CCDC57: variants seen among roughly 807,000 people sequenced by gnomAD.
The protein encoded by CCDC57 is coiled-coil domain containing 57, also known as coiled-coil domain-containing protein 57.
Under a neutral mutation model 118.9 loss-of-function variants are expected in CCDC57, and 118 were observed. That is an observed-to-expected ratio of 0.99 (90% confidence interval 0.86 to 1.16). The LOEUF is 1.16. Among genes scored for constraint, CCDC57 ranks in the 50% most tolerant of loss-of-function variants. The pLI, the probability that CCDC57 is intolerant of heterozygous loss-of-function variation, is 0.00. For synonymous variants in CCDC57, 527 were observed against 532.9 expected (o/e 0.99, Z 0.15); for missense variants, 1,300 against 1,320.7 (o/e 0.98, Z 0.24).
intron 13 of CCDC57, among the ~76,000 whole-genome samples, chr17:82,171,051 C>T (rs2044648933): frequency 6.6e-6 from 1 of 152,106 alleles, no homozygotes; most frequent in African/African-American, 2.4e-5. Flanking sequence ...GGAGCGCTGA[C>T]TGCAGTGAGC....
chr17:82,152,725 G>A (rs546635703), intron 15 of CCDC57, among the ~76,000 whole-genome samples: 1 of 152,326 alleles, frequency 6.6e-6, no homozygotes, highest in South Asian at 2.1e-4. Context: ...CATGAGCTCC[G>A]AGTTCCTGGA....
At chr17:82,113,280 G>C (rs887780259) in intron 19 of CCDC57, 6 of 652,282 alleles carry the variant, frequency 9.2e-6, no homozygotes, top group Non-Finnish European at 1.7e-5. Flanking sequence ...TTCTTGGCCA[G>C]AGCACTGGTT....
At chr17:82,126,778 A>T (rs1349283892) in intron 19 of CCDC57, 3 of 985,350 alleles carry the variant, frequency 3.0e-6, no homozygotes, top group Non-Finnish European at 3.6e-6. Flanking sequence ...CTGTAAGGTT[A>T]CTATTCTAAC....
chr17:82,132,904 C>T (rs1479945551), intron 17 of CCDC57, among the ~76,000 whole-genome samples: 3 of 151,802 alleles, frequency 2.0e-5, no homozygotes, highest in African/African-American at 7.3e-5. Flanking sequence ...GGATTACAGG[C>T]GAGTGCCACC....
Position 82,172,950 on chromosome 17 carries a change from T to C in CCDC57, c.1507-90A>G. 2 of 1,193,848 alleles carry C rather than the reference T, an allele frequency of 1.7e-6. No homozygotes were observed. The highest frequency in any genetic ancestry group is 2.4e-6 in the Non-Finnish European group (2 of 831,216). The allele number at this position is 1,193,848 out of a possible 1,614,324, so 74.0% of individuals were successfully genotyped here. ...TGTGCCTCCGCTCTCCCCGCGCCCCTCTCGGGCCGGTCCCCCGCTTCAGCT... is the reference window on the plus strand; with the variant it reads ...TGTGCCTCCGCTCTCCCCGCGCCCCCCTCGGGCCGGTCCCCCGCTTCAGCT... On this transcript the variant is annotated intron_variant, in intron 11 of 19. Coordinates refer to ENST00000665763, the Ensembl canonical transcript of CCDC57. This position sits in a 1 kb window ranked among gnomAD's most constrained non-coding sequence, Gnocchi z 5.2.
chr17:82,151,658 A>C, exon 16 of CCDC57: 1 of 1,550,354 alleles, frequency 6.5e-7, no homozygotes, highest in East Asian at 2.4e-5. Context: ...TGCCTCCTTC[A>C]GCTTTCTCTG....
At chr17:82,122,990 C>G (rs1461030581) in intron 19 of CCDC57, among the ~76,000 whole-genome samples, 1 of 152,196 alleles carries the variant, frequency 6.6e-6, no homozygotes, top group Non-Finnish European at 1.5e-5. Context: ...TACTACCCCC[C>G]TGAGACCACA....
chr17:82,121,044 C>T lies in CCDC57; in HGVS notation c.2899+6648G>A, dbSNP rs554618804. 2.4e-4 allele frequency among the ~76,000 whole-genome samples: 37 copies of T among 152,256 alleles called. No individual in the cohort carries two copies. In the Middle Eastern group the frequency reaches 0.01, roughly 42 times the overall value. On this transcript the variant is annotated intron_variant, in intron 19 of 19. Coordinates refer to ENST00000665763, the Ensembl canonical transcript of CCDC57. ...TGCTGGGATTACAGGGGTGAGCTAC[C>T]GCGCCCGGCCTCTTGCTTGCTTTTT... is the stretch of plus-strand genomic sequence containing the variant.
chr17:82,196,455 C>T (rs948623904), intron 4 of CCDC57, among the ~76,000 whole-genome samples: 6 of 152,204 alleles, frequency 3.9e-5, no homozygotes, highest in South Asian at 2.1e-4. Context: ...TCAGCACTTC[C>T]GGGGACAACT....
chr17:82,128,496 C>A, exon 18 of CCDC57: 1 of 1,554,946 alleles, frequency 6.4e-7, no homozygotes, highest in South Asian at 1.2e-5. Flanking sequence ...CTCTCACCTT[C>A]GGGCCTTGCA....
At chr17:82,104,022 G>A (rs921458756) in intron 19 of CCDC57, among the ~76,000 whole-genome samples, 5 of 152,234 alleles carry the variant, frequency 3.3e-5, no homozygotes, top group African/African-American at 1.2e-4. Flanking sequence ...CCCCAGCCCA[G>A]CCAGTCCTAG....
At chr17:82,126,079 G>C (rs968483570) in intron 19 of CCDC57, among the ~76,000 whole-genome samples, 10 of 152,098 alleles carry the variant, frequency 6.6e-5, no homozygotes, top group African/African-American at 2.4e-4. Context: ...TCAGGAGTTC[G>C]AGACGAGCCA....
At chr17:82,188,282 T>C (rs775141192) in exon 8 of CCDC57, 22 of 1,583,762 alleles carry the variant, frequency 1.4e-5, no homozygotes, top group Non-Finnish European at 1.8e-5. Context: ...CCTGCGGAGC[T>C]GCGCCTCGAG....
chr17:82,145,727 C>T, intron 16 of CCDC57: 1 of 398,062 alleles, frequency 2.5e-6, no homozygotes, highest in Non-Finnish European at 5.1e-6. Flanking sequence ...CCCACAGCAC[C>T]TGCCTCCTGC....
At chr17:82,163,929 C>T (rs770833608) in intron 13 of CCDC57, among the ~76,000 whole-genome samples, 3 of 152,124 alleles carry the variant, frequency 2.0e-5, no homozygotes, top group African/African-American at 4.8e-5. Flanking sequence ...CATCTCATCA[C>T]GTTGGGAGGC....
intron 15 of CCDC57, chr17:82,157,378 G>A: frequency 9.3e-7 from 1 of 1,069,536 alleles, no homozygotes; most frequent in Non-Finnish European, 1.2e-6. Context: ...GCATGGCTGT[G>A]CACGCAGACG....
At chr17:82,189,332 T>C (rs1469101108) in intron 7 of CCDC57, among the ~76,000 whole-genome samples, 2 of 152,114 alleles carry the variant, frequency 1.3e-5, no homozygotes, top group Non-Finnish European at 2.9e-5. Context: ...TACGTGTTGA[T>C]TTCCTACCCT....
exon 13 of CCDC57, chr17:82,171,769 T>A: frequency 6.2e-7 from 1 of 1,613,916 alleles, no homozygotes; most frequent in Non-Finnish European, 8.5e-7. Context: ...CTTTAAAGGA[T>A]CCAACACATC....
At position 82,101,817 on chromosome 17, in the gene CCDC57, T is replaced by G. The variant is rs374976059; in HGVS notation, c.2949A>C (p.Ala983=). The G allele has an allele frequency of 3.3e-3, 5,199 of 1,595,770 alleles. 13 individuals are homozygous for G. Among genetic ancestry groups the G allele is most frequent in the Non-Finnish European group, 3.7e-3 (4,279 of 1,171,646 alleles). The stretch of plus-strand genomic sequence containing the variant: ...TCTTCATCCCTGGGGTGGCAATGCC[T>G]GCCTGCATCTTGACGGGCCTCCTGT... Residue 983 remains alanine (A), a synonymous_variant, in exon 20 of 20, where the codon GCA becomes GCC. Coordinates refer to ENST00000665763, the Ensembl canonical transcript of CCDC57.
Sources: gnomAD v4.1 joint callset for allele counts (sites outside exome capture counted in the v4.1 genomes callset) on GRCh38, gnomAD v4.1.1 for gene constraint, Gnocchi (gnomAD v3.1) non-coding constraint, MANE v1.5 for transcripts, NCBI Gene and HGNC (gene_info 2026-07-23, HGNC 2026-07-21) for gene names.